WWOX: variants seen among roughly 807,000 people sequenced by gnomAD.
WWOX encodes WW domain containing oxidoreductase.
A neutral mutation model predicts 46.2 loss-of-function variants in WWOX; 69 were observed. That is an observed-to-expected ratio of 1.49 (90% confidence interval 1.23 to 1.82). WWOX has a LOEUF of 1.82. Among genes scored for constraint, WWOX ranks in the 40% most tolerant of loss-of-function variants. The probability of loss-of-function intolerance (pLI) is 0.00; values close to 1 mark genes in which losing one functional copy is unlikely to be tolerated. For synonymous variants in WWOX, 359 were observed against 202.6 expected, an observed-to-expected ratio of 1.77 and a Z score of -6.56; for missense variants, 919 against 542.6, an observed-to-expected ratio of 1.69 and a Z score of -6.89.
intron 8 of WWOX, among the ~76,000 whole-genome samples, chr16:79,121,684 C>G (rs2049634842): frequency 6.6e-6 from 1 of 152,090 alleles, no homozygotes; most frequent in South Asian, 2.1e-4. Flanking sequence ...GGAAGCTGGG[C>G]TTTGGGAAGA....
At chr16:78,452,387 A>G (rs2083712124) in intron 8 of WWOX, among the ~76,000 whole-genome samples, 1 of 151,968 alleles carries the variant, frequency 6.6e-6, no homozygotes, top group African/African-American at 2.4e-5. Flanking sequence ...AGATCTTTTA[A>G]TTAGATATGT....
At chr16:78,585,688 T>G (rs201561289) in intron 8 of WWOX, among the ~76,000 whole-genome samples, 2,001 of 111,192 alleles carry the variant, frequency 0.018, 31 homozygotes, top group African/African-American at 0.072. Flanking sequence ...TTTTTTTTTG[T>G]TTTTTTTTGT....
chr16:78,894,433 C>G (rs1158281248), intron 8 of WWOX, among the ~76,000 whole-genome samples: 1 of 152,136 alleles, frequency 6.6e-6, no homozygotes, highest in East Asian at 1.9e-4. Context: ...ATCATAAAGT[C>G]CTAGACTATT....
At chr16:78,961,548 ATGGATGGG>A (rs1263275036) in intron 8 of WWOX, among the ~76,000 whole-genome samples, 1 of 151,910 alleles carries the variant, frequency 6.6e-6, no homozygotes, top group Non-Finnish European at 1.5e-5. Flanking sequence ...AGATGGATGT[ATGGATGGG>A]TGGGTTGGTG....
chr16:78,114,544 CT>C (rs890401611), intron 3 of WWOX, among the ~76,000 whole-genome samples: 1 of 152,142 alleles, frequency 6.6e-6, no homozygotes, highest in Non-Finnish European at 1.5e-5. Flanking sequence ...ACAACTAAGA[CT>C]TTATCATTTT....
intron 5 of WWOX, among the ~76,000 whole-genome samples, chr16:78,322,545 C>G (rs1459411470): frequency 6.6e-6 from 1 of 152,218 alleles, no homozygotes; most frequent in Non-Finnish European, 1.5e-5. Flanking sequence ...GATGAAGTAA[C>G]TTGCCCCTAG....
intron 8 of WWOX, among the ~76,000 whole-genome samples, chr16:79,130,690 G>T (rs141339715): frequency 6.6e-6 from 1 of 152,356 alleles, no homozygotes; most frequent in South Asian, 2.1e-4. Flanking sequence ...TGACTAATTA[G>T]ACCCTAATGA....
At chr16:78,379,384 AG>A (rs2081902857) in intron 5 of WWOX, among the ~76,000 whole-genome samples, 1 of 152,160 alleles carries the variant, frequency 6.6e-6, no homozygotes, top group Admixed American at 6.5e-5. Flanking sequence ...CAGTTAAAAG[AG>A]AATTTCCTCC....
intron 8 of WWOX, among the ~76,000 whole-genome samples, chr16:78,537,579 C>T (rs776538209): frequency 5.3e-5 from 8 of 152,014 alleles, no homozygotes; most frequent in Non-Finnish European, 1.0e-4. Context: ...ATATTGTTTG[C>T]CACTGGGAAC....
chr16:79,207,708 A>G (rs147663316), intron 8 of WWOX, among the ~76,000 whole-genome samples: 165 of 152,350 alleles, frequency 1.1e-3, no homozygotes, highest in African/African-American at 3.7e-3. Context: ...ACCTGAAAGC[A>G]AAACACGGTG....
chr16:79,198,323 C>G (rs562773), intron 8 of WWOX, among the ~76,000 whole-genome samples: 101,359 of 151,996 alleles, frequency 0.67, 34,516 homozygotes, highest in Non-Finnish European at 0.74. Context: ...GAGTGAGAGA[C>G]AGACTGTCTC....
intron 8 of WWOX, among the ~76,000 whole-genome samples, chr16:78,445,079 C>G (rs368817448): frequency 7.9e-5 from 12 of 152,050 alleles, no homozygotes; most frequent in African/African-American, 2.9e-4. Flanking sequence ...GTGAGCTCAT[C>G]TGTGAAATGC....
chr16:79,174,309 A>C (rs564783300), intron 8 of WWOX, among the ~76,000 whole-genome samples: 2 of 152,212 alleles, frequency 1.3e-5, no homozygotes, highest in African/African-American at 4.8e-5. Context: ...CCCAAATACA[A>C]TAATTAGTGC....
At chr16:78,407,660 A>C (rs1386817549) in intron 6 of WWOX, among the ~76,000 whole-genome samples, 1 of 152,120 alleles carries the variant, frequency 6.6e-6, no homozygotes, top group Non-Finnish European at 1.5e-5. Flanking sequence ...CCACAGCATA[A>C]ATGACTCTTT....
intron 8 of WWOX, among the ~76,000 whole-genome samples, chr16:78,934,057 C>T (rs546213376): frequency 5.0e-4 from 76 of 151,948 alleles, no homozygotes; most frequent in African/African-American, 1.8e-3. Flanking sequence ...TAGCCGGGGC[C>T]GGGCACGGTG....
At chr16:78,151,163 C>A (rs1012012287) in intron 4 of WWOX, among the ~76,000 whole-genome samples, 13 of 151,932 alleles carry the variant, frequency 8.6e-5, no homozygotes, top group African/African-American at 2.7e-4. Flanking sequence ...AGGCATGAGA[C>A]CCCATGCCTG....
At chr16:79,019,157 C>CAAAAA (rs903333994) in intron 8 of WWOX, among the ~76,000 whole-genome samples, 814 of 24,384 alleles carry the variant, frequency 0.033, 23 homozygotes, top group East Asian at 0.057. Flanking sequence ...GACCTTGTCT[C>CAAAAA]AAAAAAAAAA....
intron 8 of WWOX, among the ~76,000 whole-genome samples, chr16:79,157,640 T>C (rs903996069): frequency 2.0e-5 from 3 of 152,188 alleles, no homozygotes; most frequent in Non-Finnish European, 4.4e-5. Context: ...TTAGGTATGC[T>C]AAGACCAGCA....
intron 8 of WWOX, among the ~76,000 whole-genome samples, chr16:79,170,343 G>C (rs1474124727): frequency 2.0e-5 from 3 of 152,162 alleles, no homozygotes; most frequent in African/African-American, 7.2e-5. Flanking sequence ...CCCCAGCTAG[G>C]AAGTAGCAAA....
Sources: allele counts gnomAD v4.1 joint callset (sites outside exome capture counted in the v4.1 genomes callset), GRCh38; gene constraint gnomAD v4.1.1; transcripts MANE v1.5; gene names NCBI Gene and HGNC (gene_info 2026-07-23, HGNC 2026-07-21).